The following TGM6 variants were observed in gnomAD, a reference collection of about 807,000 sequenced individuals.
TGM6 encodes transglutaminase 6, also known as protein-glutamine gamma-glutamyltransferase 6.
In TGM6, 74 loss-of-function variants were observed where a neutral mutation model predicts 77.5. That is an observed-to-expected ratio of 0.96 (90% CI 0.79 to 1.16). The LOEUF (loss-of-function observed/expected upper bound fraction) is 1.16. TGM6 is among the 50% of genes most tolerant of loss of function. The pLI is 0.00. For missense variants in TGM6, 968 were observed against 940.2 expected, an observed-to-expected ratio of 1.03 and a Z score of -0.39; for synonymous variants, 383 against 378.9, an observed-to-expected ratio of 1.01 and a Z score of -0.12.
chr20:2,388,209 G>A (rs183768392), intron 1 of TGM6, among the ~76,000 whole-genome samples: 2 of 152,254 alleles, frequency 1.3e-5, no homozygotes, highest in African/African-American at 2.4e-5. Context: ...AACCACCTTT[G>A]GAAAATCAAT....
At chr20:2,407,981 G>A (rs1253101533) in intron 9 of TGM6, among the ~76,000 whole-genome samples, 1 of 152,202 alleles carries the variant, frequency 6.6e-6, no homozygotes, top group East Asian at 1.9e-4. Context: ...GAACAAAGAG[G>A]AGGAGTCTCT....
intron 4 of TGM6, among the ~76,000 whole-genome samples, chr20:2,397,410 G>T (rs144431834): frequency 6.6e-6 from 1 of 152,254 alleles, no homozygotes; most frequent in East Asian, 1.9e-4. Context: ...TTTGGGATTC[G>T]GGTGCTGGGC....
rs533013392 is a variant in TGM6, at chr20:2,424,562, C to T, written c.1679-5884C>T. Among the ~76,000 whole-genome samples, 10 of 152,312 alleles carry T rather than the reference C, an allele frequency of 6.6e-5. No homozygotes were observed. In the East Asian group the frequency reaches 9.6e-4, roughly 15 times the overall value. ...AATGGAATGTTATGGCTGGTGTGAT[C>T]TTATATGGAGATCACTAAAACTTTC... is the stretch of plus-strand genomic sequence containing the variant. On this transcript the variant is annotated intron_variant, in intron 10 of 12. Coordinates refer to ENST00000202625, the MANE Select transcript of TGM6 (RefSeq NM_198994.3).
chr20:2,395,390 C>T lies in TGM6; in HGVS notation c.378C>T (p.Asn126=), dbSNP rs1311658384. 1 of 1,614,270 alleles carries T rather than the reference C, an allele frequency of 6.2e-7. No homozygotes were observed. Among genetic ancestry groups the T allele is most frequent in the East Asian group, 2.2e-5 (1 of 44,892 alleles). Residue 126 remains asparagine (N), a synonymous_variant, in exon 3 of 13, where the codon AAC becomes AAT. Coordinates refer to ENST00000202625, the MANE Select transcript of TGM6 (RefSeq NM_198994.3). ...IRLSSHRKHS[N]RRLGEFVLLF... ...TTTCCTCTCACCGCAAACACAGCAA[C>T]CGGAGGCTGGGCGAGTTTGTTCTCC...
At chr20:2,427,553 A>C (rs1203595679) in intron 10 of TGM6, among the ~76,000 whole-genome samples, 1 of 151,964 alleles carries the variant, frequency 6.6e-6, no homozygotes, top group East Asian at 1.9e-4. Context: ...TTTCTGCTCT[A>C]ATTTTTATTA....
In TGM6 at chr20:2,412,954, A is replaced by T. The variant is rs183069914; in HGVS notation, c.1337-4278A>T. Among the ~76,000 whole-genome samples, 460 of 152,336 alleles carry T rather than the reference A, an allele frequency of 3.0e-3. 4 individuals are homozygous for T. Among genetic ancestry groups the T allele is most frequent in the African/African-American group, 0.01 (428 of 41,580 alleles). ...TATTGTTAAAATTGCAATACTCTCA[A>T]AATTGACCTACAGACTCAACAAAAT... On this transcript the variant is annotated intron_variant, in intron 9 of 12. Coordinates refer to ENST00000202625, the MANE Select transcript of TGM6 (RefSeq NM_198994.3).
chr20:2,426,088 C>G (rs1362744630), intron 10 of TGM6, among the ~76,000 whole-genome samples: 1 of 152,120 alleles, frequency 6.6e-6, no homozygotes, highest in Non-Finnish European at 1.5e-5. Context: ...ATAGATCAAG[C>G]TAGGAAAAAT....
Position 2,395,176 on chromosome 20 carries a change from C to T in TGM6, c.182-18C>T, listed in dbSNP as rs1198644313. 7 of 1,610,856 alleles carry T rather than the reference C, an allele frequency of 4.3e-6. No individual in the cohort carries two copies. Among genetic ancestry groups the T allele is most frequent in the African/African-American group, 1.3e-5 (1 of 75,048 alleles). On this transcript the variant is annotated intron_variant, in intron 2 of 12. Transcript: ENST00000202625. ...TTCCCAGGGGAAGGGTCTCCTGATT[C>T]CCTCTCCTCTCCTCCAGGACCCCGG...
At chr20:2,393,376 G>A (rs958021436) in intron 1 of TGM6, among the ~76,000 whole-genome samples, 13 of 152,112 alleles carry the variant, frequency 8.5e-5, no homozygotes, top group African/African-American at 2.4e-4. Context: ...TAAAATGGCC[G>A]CTGAGCATAG....
intron 1 of TGM6, among the ~76,000 whole-genome samples, chr20:2,387,352 T>C (rs375748218): frequency 1.3e-5 from 2 of 152,148 alleles, no homozygotes; most frequent in Admixed American, 6.5e-5. Context: ...GCAAGGGTAA[T>C]GGAAAAGCCC....
chr20:2,396,957 C>T (rs1370528992), intron 4 of TGM6, among the ~76,000 whole-genome samples: 7 of 152,152 alleles, frequency 4.6e-5, no homozygotes, highest in African/African-American at 9.7e-5. Context: ...CCAGAGCTGC[C>T]GACTGAGTAG....
rs751732632 is a variant in TGM6, at chr20:2,417,315, C to T, written c.1420C>T (p.Arg474Cys). Residue 474 changes from arginine (R) to cysteine (C), a missense_variant, in exon 10 of 13, where the codon CGC becomes TGC. By Grantham distance (180) the Arg-to-Cys change is radical (BLOSUM62 -3). Transcript: ENST00000202625. ...VEASGRRIWI[R>C]RAGGRCLWRD... ...AGCCTCTGGAAGGAGAATCTGGATC[C>T]GCAGGGCTGGGGGTCGCTGTCTCTG... The T allele has an allele frequency of 5.0e-6, 8 of 1,613,458 alleles. No homozygotes were observed. The highest frequency in any genetic ancestry group is 4.0e-5 in the African/African-American group (3 of 74,912).
rs374782327 is a variant in TGM6, at chr20:2,394,614, C to T, written c.170C>T (p.Thr57Met). The T allele has an allele frequency of 1.7e-5, 28 of 1,610,730 alleles. No individual in the cohort carries two copies. The highest frequency in any genetic ancestry group is 8.0e-5 in the African/African-American group (6 of 74,828). ...GACTGTGAGGAGATCCTCATCTTCA[C>T]GATGGAGACAGGTAACTGGGCTTGC... ...ALDCEEILIF[T>M]METGPRASEA... The change falls in exon 2 of 13, where the codon ACG becomes ATG. Residue 57 changes from threonine to methionine, a missense_variant. Thr to Met is a moderately conservative substitution (Grantham distance 81). Transcript: ENST00000202625.
At chr20:2,382,942 T>C (rs1403798583) in intron 1 of TGM6, among the ~76,000 whole-genome samples, 2 of 152,160 alleles carry the variant, frequency 1.3e-5, no homozygotes, top group African/African-American at 4.8e-5. Flanking sequence ...ATTACAATCA[T>C]CTTTCAGCTC....
intron 7 of TGM6, among the ~76,000 whole-genome samples, chr20:2,401,991 A>G (rs1331422155): frequency 6.6e-6 from 1 of 152,098 alleles, no homozygotes; most frequent in Non-Finnish European, 1.5e-5. Flanking sequence ...TAATCCCAAC[A>G]CTTTGGGAGG....
rs2076648 is a variant in TGM6, at chr20:2,430,722, G to A, written c.1833+122G>A. On this transcript the variant is annotated intron_variant, in intron 11 of 12. Transcript: ENST00000202625. The stretch of plus-strand genomic sequence containing the variant: ...CTCCAGCTTTAGCTCTCCAGGGTGG[G>A]AGGAGTGGGTTGGACATAAGGGGAT... 268,366 of 1,589,720 alleles carry A rather than the reference G, an allele frequency of 0.17. 24,354 individuals are homozygous for A. The highest frequency in any genetic ancestry group is 0.3 in the African/African-American group (22,583 of 74,398).
chr20:2,403,872 A>T, intron 9 of TGM6, 49 bp downstream of exon 9: 2 of 1,613,362 alleles, frequency 1.2e-6, no homozygotes, highest in Non-Finnish European at 1.7e-6. Flanking sequence ...ATGGCCCATC[A>T]GCTGCAGAGG....
chr20:2,428,880 G>A, intron 10 of TGM6, among the ~76,000 whole-genome samples: 1 of 152,108 alleles, frequency 6.6e-6, no homozygotes. Context: ...CTGGAGTGCA[G>A]TGGCGCAATC....
At chr20:2,406,320 A>C (rs1198385638) in intron 9 of TGM6, among the ~76,000 whole-genome samples, 6 of 151,996 alleles carry the variant, frequency 3.9e-5, no homozygotes, top group African/African-American at 1.2e-4. Context: ...GCAAAACCCC[A>C]TCTCTATAAA....
Sources: gnomAD v4.1 joint callset for allele counts (sites outside exome capture counted in the v4.1 genomes callset) on GRCh38, gnomAD v4.1.1 for gene constraint, MANE v1.5 for transcripts, NCBI Gene and HGNC (gene_info 2026-07-23, HGNC 2026-07-21) for gene names.